CRYL1: variants seen among roughly 807,000 people sequenced by gnomAD.
CRYL1 encodes lambda-crystallin homolog.
In CRYL1, 29 loss-of-function variants were observed where a neutral mutation model predicts 36.6. The ratio of observed to expected loss-of-function variants is 0.79; its 90% CI spans 0.59 to 1.08. The LOEUF (loss-of-function observed/expected upper bound fraction) is 1.08, where lower values mean the gene tolerates loss of function less well. Among genes scored for constraint, CRYL1 ranks in the 50% least tolerant of loss-of-function variants. The pLI, the probability that CRYL1 is intolerant of heterozygous loss-of-function variation, is 0.00. For missense variants in CRYL1, 411 were observed against 407.9 expected, an observed-to-expected ratio of 1.01 and a Z score of -0.06; for synonymous variants, 152 against 151.5, an observed-to-expected ratio of 1.00 and a Z score of -0.02.
chr13:20,463,341 T>C (rs2032869756), intron 3 of CRYL1, among the ~76,000 whole-genome samples: 1 of 152,172 alleles, frequency 6.6e-6, no homozygotes, highest in African/African-American at 2.4e-5. Flanking sequence ...CACAGATCAC[T>C]ATACATGCAG....
chr13:20,459,046 T>C (rs1303725664), intron 3 of CRYL1, among the ~76,000 whole-genome samples: 1 of 152,058 alleles, frequency 6.6e-6, no homozygotes, highest in Non-Finnish European at 1.5e-5. Context: ...CCATCCTGGC[T>C]AACACGGTGA....
At chr13:20,483,950 G>A (rs1196837903) in intron 3 of CRYL1, among the ~76,000 whole-genome samples, 2 of 152,138 alleles carry the variant, frequency 1.3e-5, no homozygotes, top group African/African-American at 4.8e-5. Context: ...CCGGGTAGCT[G>A]GGACTACAGG....
intron 1 of CRYL1, among the ~76,000 whole-genome samples, chr13:20,523,119 G>A (rs892056121): frequency 3.9e-5 from 6 of 151,982 alleles, no homozygotes; most frequent in African/African-American, 1.5e-4. Context: ...ATCTCGCCAT[G>A]TTGGCCAGAC....
chr13:20,493,692 A>G (rs1214572367), intron 2 of CRYL1, among the ~76,000 whole-genome samples: 1 of 152,182 alleles, frequency 6.6e-6, no homozygotes, highest in Non-Finnish European at 1.5e-5. Flanking sequence ...GAGAAGGAGA[A>G]GGAGAAGAAA....
At chr13:20,485,733 T>C (rs996433330) in intron 3 of CRYL1, among the ~76,000 whole-genome samples, 1 of 146,544 alleles carries the variant, frequency 6.8e-6, no homozygotes, top group Non-Finnish European at 1.5e-5. Flanking sequence ...CCCAAGAAAA[T>C]CAGTTAACTG....
chr13:20,447,519 C>T (rs7331976), intron 3 of CRYL1, among the ~76,000 whole-genome samples: 45,002 of 151,718 alleles, frequency 0.3, 7,503 homozygotes, highest in Admixed American at 0.39. Context: ...CTTCCACCAC[C>T]CCCCCTCCCT....
At chr13:20,438,871 T>G (rs2032290191) in intron 4 of CRYL1, among the ~76,000 whole-genome samples, 2 of 152,208 alleles carry the variant, frequency 1.3e-5, no homozygotes, top group South Asian at 2.1e-4. Flanking sequence ...CAAACGTCGT[T>G]CACTGAATCT....
At chr13:20,421,782 T>TTTTA (rs1258042727) in intron 5 of CRYL1, among the ~76,000 whole-genome samples, 7 of 73,276 alleles carry the variant, frequency 9.6e-5, no homozygotes, top group African/African-American at 2.8e-4. Flanking sequence ...GTAACAGCAT[T>TTTTA]TTCATTTATT....
chr13:20,512,571 G>C, intron 1 of CRYL1, 21 bp from the exon 2 acceptor site: 1 of 1,569,098 alleles, frequency 6.4e-7, no homozygotes. Flanking sequence ...ATAAAAGAAA[G>C]GATTCGAGTT....
chr13:20,468,832 C>G (rs892614222), intron 3 of CRYL1, among the ~76,000 whole-genome samples: 5 of 152,136 alleles, frequency 3.3e-5, no homozygotes, highest in African/African-American at 9.7e-5. Context: ...GTGTCGAACT[C>G]CTGACCTCAA....
At chr13:20,492,996 A>C (rs546703462) in intron 2 of CRYL1, among the ~76,000 whole-genome samples, 1 of 152,110 alleles carries the variant, frequency 6.6e-6, no homozygotes, top group Non-Finnish European at 1.5e-5. Context: ...GTGACCCTCC[A>C]TTTAGGGGAT....
chr13:20,441,398 G>A (rs146008697), intron 3 of CRYL1, among the ~76,000 whole-genome samples: 4 of 152,220 alleles, frequency 2.6e-5, no homozygotes, highest in East Asian at 1.9e-4. Context: ...TGTCCAAAGC[G>A]GGGGTCCTTA....
chr13:20,412,034 G>A (rs1157669524), intron 6 of CRYL1, among the ~76,000 whole-genome samples: 1 of 152,168 alleles, frequency 6.6e-6, no homozygotes, highest in Non-Finnish European at 1.5e-5. Context: ...AACAGACTGA[G>A]AGAGGTCACC....
At chr13:20,508,875 A>AAAAAAAAAAAAAC (rs1491583448) in intron 2 of CRYL1, among the ~76,000 whole-genome samples, 1 of 13,800 alleles carries the variant, frequency 7.2e-5, no homozygotes, top group African/African-American at 1.4e-4. Context: ...AAAAAAAAAA[A>AAAAAAAAAAAAAC]CAAAAAAAAA....
At chr13:20,522,610 AG>A (rs531623801) in intron 1 of CRYL1, among the ~76,000 whole-genome samples, 239 of 152,268 alleles carry the variant, frequency 1.6e-3, no homozygotes, top group Non-Finnish European at 3.0e-3. Context: ...TTCTATCCTT[AG>A]GGGAAAGGCC....
At chr13:20,473,858 AG>A (rs112485296) in intron 3 of CRYL1, among the ~76,000 whole-genome samples, 3,739 of 152,328 alleles carry the variant, frequency 0.025, 136 homozygotes, top group African/African-American at 0.085. Context: ...CTAACGTCTC[AG>A]GAAAGTACCA....
At chr13:20,408,239 C>T (rs965701494) in intron 6 of CRYL1, among the ~76,000 whole-genome samples, 2 of 152,138 alleles carry the variant, frequency 1.3e-5, no homozygotes, top group African/African-American at 4.8e-5. Flanking sequence ...AAGTCCCCGC[C>T]CATCAGCTCA....
chr13:20,499,582 G>T (rs1593489322), intron 2 of CRYL1, among the ~76,000 whole-genome samples: 1 of 151,972 alleles, frequency 6.6e-6, no homozygotes, highest in African/African-American at 2.4e-5. Context: ...GAACCCGAGA[G>T]CAGAGCTTGC....
At chr13:20,523,149 T>G (rs767561135) in intron 1 of CRYL1, among the ~76,000 whole-genome samples, 12 of 152,182 alleles carry the variant, frequency 7.9e-5, no homozygotes, top group Non-Finnish European at 1.5e-4. Context: ...ACCCCTGACC[T>G]CAGGTGATCT....
Sources: gnomAD v4.1 joint callset for allele counts (sites outside exome capture counted in the v4.1 genomes callset) on GRCh38, gnomAD v4.1.1 for gene constraint, MANE v1.5 for transcripts, NCBI Gene and HGNC (gene_info 2026-07-23, HGNC 2026-07-21) for gene names.